The following CPLX4 variants were observed in gnomAD, a reference collection of about 807,000 sequenced individuals.
The protein encoded by CPLX4 is complexin 4.
Under a neutral mutation model 16.1 loss-of-function variants are expected in CPLX4, and 17 were observed. The ratio of observed to expected loss-of-function variants is 1.06; its 90% CI spans 0.72 to 1.59. The LOEUF is 1.59. Ranked by LOEUF, CPLX4 falls within the 40% of genes most tolerant of loss-of-function variation. The probability of loss-of-function intolerance (pLI) is 0.00; values close to 1 mark genes in which losing one functional copy is unlikely to be tolerated. For synonymous variants in CPLX4, 55 were observed against 57.8 expected (o/e 0.95, Z 0.22); for missense variants, 193 against 192.9 (o/e 1.00, Z 0.00).
At chr18:59,300,368 A>G (rs551171372) in intron 2 of CPLX4, among the ~76,000 whole-genome samples, 1 of 152,330 alleles carries the variant, frequency 6.6e-6, no homozygotes, top group East Asian at 1.9e-4. Flanking sequence ...ATTAAAATAA[A>G]TGTTTACTGA....
At chr18:59,312,662 T>G in intron 2 of CPLX4, 23 bp downstream of exon 2, 1 of 941,378 alleles carries the variant, frequency 1.1e-6, no homozygotes, top group East Asian at 2.4e-5. Flanking sequence ...AAGAAATGAT[T>G]AGATGTTTCC....
At chr18:59,317,891 T>C (rs879355671) in intron 1 of CPLX4, among the ~76,000 whole-genome samples, 1 of 151,622 alleles carries the variant, frequency 6.6e-6, no homozygotes, top group Middle Eastern at 3.4e-3. Flanking sequence ...CTTTTCTAGG[T>C]ATAAGGTCTG....
At chr18:59,296,999 C>T (rs1243343272) in intron 2 of CPLX4, 74 bp from the exon 3 acceptor site, 9 of 1,529,234 alleles carry the variant, frequency 5.9e-6, no homozygotes, top group Admixed American at 4.7e-5. Context: ...ATTTTAAAAG[C>T]AGCAGGAAAA....
In CPLX4 at chr18:59,316,464, G is replaced by A. The variant is rs146710250; in HGVS notation, c.167+1832C>T. Among the ~76,000 whole-genome samples the A allele has an allele frequency of 1.1e-3, 169 of 151,988 alleles. 1 individual carries two copies. The highest frequency in any genetic ancestry group is 3.9e-3 in the African/African-American group (161 of 41,454). On this transcript the variant is annotated intron_variant, in intron 1 of 2. Coordinates refer to ENST00000299721, the MANE Select transcript of CPLX4 (RefSeq NM_181654.4). ...CTAAACTGTTTGTAGCTCTCTCTGC[G>A]TTTATCTTGTGATGAATTATTTTTA...
At chr18:59,305,166 G>C (rs998850733) in intron 2 of CPLX4, among the ~76,000 whole-genome samples, 1 of 152,076 alleles carries the variant, frequency 6.6e-6, no homozygotes, top group African/African-American at 2.4e-5. Context: ...GATCATGGAA[G>C]GCCCTGGAAG....
intron 1 of CPLX4, among the ~76,000 whole-genome samples, chr18:59,316,418 T>G (rs990524370): frequency 1.6e-4 from 24 of 152,226 alleles, no homozygotes; most frequent in Admixed American, 3.3e-4. Flanking sequence ...TTGCTAACAT[T>G]GATTTTAATT....
Position 59,300,597 on chromosome 18 carries a change from T to C in CPLX4, c.256-3672A>G, listed in dbSNP as rs140022540. The stretch of plus-strand genomic sequence containing the variant: ...CTTCGTATAGATGGCCTCTTTGAGC[T>C]TTATTTCCTTGTCTGTATATGGAGA... On this transcript the variant is annotated intron_variant, in intron 2 of 2. Transcript: ENST00000299721. Among the ~76,000 whole-genome samples the C allele has an allele frequency of 5.3e-4, 81 of 152,346 alleles. 1 individual carries two copies. Among genetic ancestry groups the C allele is most frequent in the Admixed American group, 3.7e-3 (57 of 15,308 alleles).
intron 2 of CPLX4, among the ~76,000 whole-genome samples, chr18:59,311,655 A>G (rs2070617619): frequency 6.6e-6 from 1 of 152,222 alleles, no homozygotes; most frequent in Admixed American, 6.5e-5. Context: ...TCTTTGGAAT[A>G]TGAAATTGAA....
At chr18:59,300,864 T>C (rs2070535943) in intron 2 of CPLX4, among the ~76,000 whole-genome samples, 1 of 152,194 alleles carries the variant, frequency 6.6e-6, no homozygotes, top group Non-Finnish European at 1.5e-5. Flanking sequence ...GCTTGGTTTT[T>C]CTAACAAGCC....
intron 2 of CPLX4, among the ~76,000 whole-genome samples, chr18:59,310,847 C>T (rs898054121): frequency 1.3e-5 from 2 of 151,852 alleles, no homozygotes; most frequent in Non-Finnish European, 2.9e-5. Context: ...AGAGCTACAA[C>T]GGAACCCCAA....
At chr18:59,312,559 A>C (rs975125002) in intron 2 of CPLX4, 126 bp downstream of exon 2, 19 of 203,230 alleles carry the variant, frequency 9.3e-5, no homozygotes, top group Non-Finnish European at 1.8e-4. Flanking sequence ...ATTTTTATAT[A>C]TATATATATC....
chr18:59,311,809 C>T (rs766539509), intron 2 of CPLX4, among the ~76,000 whole-genome samples: 85 of 152,274 alleles, frequency 5.6e-4, no homozygotes, highest in Middle Eastern at 3.4e-3. Context: ...ACCTCCAAGA[C>T]GTGTTCCACA....
At position 59,318,408 on chromosome 18, in the gene CPLX4, C is replaced by T. The variant is rs1413164942; in HGVS notation, c.55G>A (p.Gly19Ser). ...TCTTTATTTTCTTCAGACCCACCAC[C>T]AAATCCTAAATTCTTTACCTGGTTA... ...ISNQVKNLGF[G>S]GGSEENKEEG... The change falls in exon 1 of 3, where the codon GGT (glycine) becomes AGT (serine). Residue 19 changes from glycine (G) to serine (S), a missense_variant. Physicochemically the swap from Gly to Ser is moderately conservative, Grantham distance 56. Transcript: ENST00000299721. 3.1e-6 allele frequency: 5 copies of T among 1,613,616 alleles called. No individual in the cohort carries two copies. The East Asian group carries it at 1.1e-4, about 36-fold the overall frequency.
At chr18:59,305,586 G>C (rs1445764056) in intron 2 of CPLX4, among the ~76,000 whole-genome samples, 1 of 152,176 alleles carries the variant, frequency 6.6e-6, no homozygotes. Context: ...GGCTTGTCGG[G>C]AGAGCCACCC....
intron 1 of CPLX4, among the ~76,000 whole-genome samples, chr18:59,313,335 T>C (rs609209): frequency 0.71 from 107,294 of 152,088 alleles, 39,079 homozygotes; most frequent in African/African-American, 0.9. Context: ...CCAATTTAGG[T>C]ACGGTATTTT....
At chr18:59,308,002 T>G (rs1392481695) in intron 2 of CPLX4, among the ~76,000 whole-genome samples, 1 of 151,844 alleles carries the variant, frequency 6.6e-6, no homozygotes, top group Non-Finnish European at 1.5e-5. Flanking sequence ...GGTTTTGAAC[T>G]CTTGACCTCA....
At chr18:59,313,505 T>C (rs1380078548) in intron 1 of CPLX4, among the ~76,000 whole-genome samples, 1 of 152,200 alleles carries the variant, frequency 6.6e-6, no homozygotes, top group Non-Finnish European at 1.5e-5. Context: ...GCAGACACCT[T>C]TGGGAATGTC....
chr18:59,306,308 A>G (rs1360124312), intron 2 of CPLX4, among the ~76,000 whole-genome samples: 2 of 152,264 alleles, frequency 1.3e-5, no homozygotes, highest in African/African-American at 2.4e-5. Context: ...CTGATGACCT[A>G]TAATTTGACA....
At chr18:59,305,242 A>G (rs1454480369) in intron 2 of CPLX4, among the ~76,000 whole-genome samples, 4 of 152,062 alleles carry the variant, frequency 2.6e-5, no homozygotes, top group Admixed American at 6.6e-5. Context: ...AAGCAGGAGG[A>G]AGTGCTAGTC....
Sources: gnomAD v4.1 joint callset for allele counts (sites outside exome capture counted in the v4.1 genomes callset) on GRCh38, gnomAD v4.1.1 for gene constraint, MANE v1.5 for transcripts, NCBI Gene and HGNC (gene_info 2026-07-23, HGNC 2026-07-21) for gene names.